The following PCDHGB6 variants were observed in gnomAD, a reference collection of about 807,000 sequenced individuals.
PCDHGB6 encodes protocadherin gamma-B6.
Under a neutral mutation model 59.1 loss-of-function variants are expected in PCDHGB6, and 51 were observed. That is an observed-to-expected ratio of 0.86 (90% CI 0.69 to 1.09). The LOEUF is 1.09. Ranked by LOEUF, PCDHGB6 falls within the 50% of genes least tolerant of loss-of-function variation. The pLI is 0.00. For missense variants in PCDHGB6, 1,148 were observed against 1,205.1 expected, an observed-to-expected ratio of 0.95 and a Z score of 0.70; for synonymous variants, 466 against 495.1, an observed-to-expected ratio of 0.94 and a Z score of 0.78.
chr5:141,500,104 T>C (rs917633032), intron 2 of PCDHGB6, among the ~76,000 whole-genome samples: 1 of 152,124 alleles, frequency 6.6e-6, no homozygotes, highest in Non-Finnish European at 1.5e-5. Context: ...AATTTATTTG[T>C]TGAATCCCTG....
chr5:141,428,773 T>C (rs1036838681), intron 1 of PCDHGB6: 1 of 154,174 alleles, frequency 6.5e-6, no homozygotes, highest in Admixed American at 6.4e-5. Context: ...CCACTCTTAA[T>C]ATTTCCTGTT....
intron 1 of PCDHGB6, among the ~76,000 whole-genome samples, chr5:141,492,893 C>T (rs936521362): frequency 2.0e-5 from 3 of 152,178 alleles, no homozygotes; most frequent in Admixed American, 6.5e-5. Flanking sequence ...AGGCTTTTGG[C>T]GCCGTCGTGA....
chr5:141,455,897 T>C (rs1330516646), intron 1 of PCDHGB6, among the ~76,000 whole-genome samples: 1 of 149,800 alleles, frequency 6.7e-6, no homozygotes, highest in African/African-American at 2.4e-5. Flanking sequence ...ATTTATTTAT[T>C]TATTTATTTA....
chr5:141,452,848 G>A (rs1425590240), intron 1 of PCDHGB6, among the ~76,000 whole-genome samples: 9 of 152,128 alleles, frequency 5.9e-5, no homozygotes, highest in Non-Finnish European at 1.0e-4. Flanking sequence ...CCCACACTCT[G>A]GGGAGATGAT....
At chr5:141,458,854 T>G (rs2098955098) in intron 1 of PCDHGB6, among the ~76,000 whole-genome samples, 1 of 152,182 alleles carries the variant, frequency 6.6e-6, no homozygotes, top group South Asian at 2.1e-4. Flanking sequence ...CACCTCAGCC[T>G]TCCAAGTAGC....
At chr5:141,413,001 G>C in intron 1 of PCDHGB6, 1 of 592,908 alleles carries the variant, frequency 1.7e-6, no homozygotes, top group Non-Finnish European at 2.8e-6. Flanking sequence ...CGGATTCTCA[G>C]GGCTTCAACT....
intron 1 of PCDHGB6, among the ~76,000 whole-genome samples, chr5:141,458,596 G>A (rs907922436): frequency 1.8e-4 from 27 of 151,842 alleles, no homozygotes; most frequent in African/African-American, 5.8e-4. Flanking sequence ...TTGGAGACGA[G>A]TCTCACTCTG....
chr5:141,476,438 C>G lies in PCDHGB6; in HGVS notation c.2419-18369C>G. On this transcript the variant is annotated intron_variant, in intron 1 of 3. Coordinates refer to ENST00000520790, the MANE Select transcript of PCDHGB6 (RefSeq NM_018926.3). This position sits in a 1 kb window ranked among gnomAD's most constrained non-coding sequence, Gnocchi z 7.6. The stretch of plus-strand genomic sequence containing the variant: ...GACACTGCCCTCTTGCACTGTAACT[C>G]TGGAGTTGGTAGTGGAGAACCCGCT... 1 of 1,614,090 alleles carries G rather than the reference C, an allele frequency of 6.2e-7. No homozygotes were observed. Among genetic ancestry groups the G allele is most frequent in the Non-Finnish European group, 8.5e-7 (1 of 1,180,026 alleles).
At chr5:141,420,190 A>T in intron 1 of PCDHGB6, 3 of 1,613,922 alleles carry the variant, frequency 1.9e-6, no homozygotes, top group Non-Finnish European at 2.5e-6. Flanking sequence ...GTCCAGCCAC[A>T]CAAGATAACC....
chr5:141,505,363 T>A, intron 2 of PCDHGB6, 30 bp from the exon 3 acceptor site: 1 of 1,613,360 alleles, frequency 6.2e-7, no homozygotes, highest in Non-Finnish European at 8.5e-7. Context: ...GGCCTGGGAG[T>A]CTGTGCTCAC....
chr5:141,473,367 T>C (rs1343477225), intron 1 of PCDHGB6, among the ~76,000 whole-genome samples: 1 of 152,178 alleles, frequency 6.6e-6, no homozygotes, highest in Non-Finnish European at 1.5e-5. Flanking sequence ...GCCACCAAAA[T>C]AGCATGGTCC....
rs749415234 is a variant in PCDHGB6 at position 141,419,462 on chromosome 5, C to G, written c.2418+8842C>G. 9 of 1,612,582 alleles carry G rather than the reference C, an allele frequency of 5.6e-6. 1 individual carries two copies. The highest frequency in any genetic ancestry group is 1.7e-5 in the Admixed American group (1 of 59,984). On this transcript the variant is annotated intron_variant, in intron 1 of 3. Transcript: ENST00000520790. ...CACCTTCGAGCTCACGCTGCAGGCC[C>G]GCGACCAGGGCTCGCCCGCGCTCAG... is the stretch of plus-strand genomic sequence containing the variant.
rs750397953 is a variant in PCDHGB6 at position 141,409,543 on chromosome 5, C to CA, written c.1343dup (p.Asn448LysfsTer31). 2.4e-5 allele frequency: 38 copies of CA among 1,613,884 alleles called. No individual in the cohort carries two copies. The South Asian group carries it at 4.1e-4, about 17-fold the overall frequency. On this transcript the variant is annotated frameshift_variant, in exon 1 of 4. Transcript: ENST00000520790. LOFTEE classifies it high-confidence loss of function. ...CCTTGTATGTCGCTGACATCAACGACAACGCCCCAGTTTTCGACCAGACGT... is the reference window on the plus strand; with the variant it reads ...CCTTGTATGTCGCTGACATCAACGACAAACGCCCCAGTTTTCGACCAGACGT...
chr5:141,414,791 G>A (rs375736950), intron 1 of PCDHGB6: 43 of 1,614,120 alleles, frequency 2.7e-5, no homozygotes, highest in Non-Finnish European at 3.3e-5. Context: ...GTGACAGCCA[G>A]CGACAGCGGG....
At chr5:141,460,961 A>ATATGTGTG (rs1463306338) in intron 1 of PCDHGB6, among the ~76,000 whole-genome samples, 3 of 144,556 alleles carry the variant, frequency 2.1e-5, no homozygotes, top group African/African-American at 7.8e-5. Context: ...GTATATATAT[A>ATATGTGTG]TGTGTGTGTG....
At chr5:141,419,585 G>C (rs2096403161) in intron 1 of PCDHGB6, 8 of 1,611,776 alleles carry the variant, frequency 5.0e-6, no homozygotes, top group Non-Finnish European at 6.8e-6. Flanking sequence ...CGCGCTCTTC[G>C]ACACAGTGCC....
At chr5:141,457,280 A>T (rs964027392) in intron 1 of PCDHGB6, among the ~76,000 whole-genome samples, 1 of 152,196 alleles carries the variant, frequency 6.6e-6, no homozygotes, top group Non-Finnish European at 1.5e-5. Flanking sequence ...TGGGCCTACG[A>T]AGTTCCTTGG....
chr5:141,410,827 A>G lies in PCDHGB6; in HGVS notation c.2418+207A>G. The G allele has an allele frequency of 1.4e-5, 6 of 440,972 alleles. No individual in the cohort carries two copies. The South Asian group carries it at 2.4e-4, about 18-fold the overall frequency. 27.3% of individuals were successfully genotyped at this position (440,972 alleles called of 1,614,324 possible). The stretch of plus-strand genomic sequence containing the variant: ...TCTTTTTGTAAAATAATGTCACCAG[A>G]CTGAAGATATTTTGTCTTTGTCTTT... On this transcript the variant is annotated intron_variant, in intron 1 of 3. Transcript: ENST00000520790.
intron 1 of PCDHGB6, chr5:141,423,913 C>T: frequency 7.9e-7 from 1 of 1,269,552 alleles, no homozygotes; most frequent in Non-Finnish European, 1.0e-6. Context: ...AGGGGCCATT[C>T]AACTATGCTG....
Sources: gnomAD v4.1 joint callset for allele counts (sites outside exome capture counted in the v4.1 genomes callset) on GRCh38, gnomAD v4.1.1 for gene constraint, Gnocchi (gnomAD v3.1) non-coding constraint, MANE v1.5 for transcripts, NCBI Gene and HGNC (gene_info 2026-07-23, HGNC 2026-07-21) for gene names.